The following TMPRSS15 variants were observed in gnomAD, a reference collection of about 807,000 sequenced individuals.
TMPRSS15 encodes transmembrane serine protease 15.
A neutral mutation model predicts 125.3 loss-of-function variants in TMPRSS15; 128 were observed. That is an observed-to-expected ratio of 1.02 (90% confidence interval 0.89 to 1.18). The LOEUF (loss-of-function observed/expected upper bound fraction) is 1.18, where lower values mean the gene tolerates loss of function less well. Among genes scored for constraint, TMPRSS15 ranks in the 50% most tolerant of loss-of-function variants. The pLI is 0.00. For missense variants in TMPRSS15, 1,283 were observed against 1,212.7 expected (o/e 1.06, Z -0.86); for synonymous variants, 446 against 423.2 (o/e 1.05, Z -0.66).
At chr21:18,467,951 AAAAG>A (rs1978700321) in intron 1 of TMPRSS15, among the ~76,000 whole-genome samples, 1 of 152,114 alleles carries the variant, frequency 6.6e-6, no homozygotes, top group Non-Finnish European at 1.5e-5. Flanking sequence ...ACAGAAGAGA[AAAAG>A]AAAGACAAGA....
chr21:18,293,240 A>G (rs2074859930), intron 21 of TMPRSS15, among the ~76,000 whole-genome samples: 1 of 152,096 alleles, frequency 6.6e-6, no homozygotes, highest in Non-Finnish European at 1.5e-5. Flanking sequence ...TTACCCAAGG[A>G]TCTTAAATAT....
intron 1 of TMPRSS15, among the ~76,000 whole-genome samples, chr21:18,446,267 A>G (rs2076255610): frequency 6.6e-6 from 1 of 152,212 alleles, no homozygotes; most frequent in Non-Finnish European, 1.5e-5. Context: ...AAAGCAATAT[A>G]CAAGGAAAAC....
At chr21:18,454,442 C>A in intron 1 of TMPRSS15, among the ~76,000 whole-genome samples, 1 of 152,002 alleles carries the variant, frequency 6.6e-6, no homozygotes, top group Non-Finnish European at 1.5e-5. Flanking sequence ...AAAGGAGATT[C>A]ATTATGAAAT....
In TMPRSS15 at chr21:18,352,969, T is replaced by C; in HGVS notation, c.1105A>G (p.Ile369Val). The C allele has an allele frequency of 6.2e-7, 1 of 1,612,310 alleles. No individual in the cohort carries two copies. Among genetic ancestry groups the C allele is most frequent in the Non-Finnish European group, 8.5e-7 (1 of 1,178,944 alleles). ...DLNDDNEWER[I>V]QGSTFSPFTG... ...AAAGGAGAAAAGGTGCTTCCCTGAA[T>C]CCTTTCCCATTCATTATCATCATTT... is the stretch of plus-strand genomic sequence containing the variant. The change falls in exon 10 of 25, where the codon ATT (isoleucine) becomes GTT (valine). Residue 369 changes from isoleucine to valine, a missense_variant. Coordinates refer to ENST00000284885, the MANE Select transcript of TMPRSS15 (RefSeq NM_002772.3).
chr21:18,434,306 A>G (rs1255889468), intron 1 of TMPRSS15, among the ~76,000 whole-genome samples: 1 of 152,192 alleles, frequency 6.6e-6, no homozygotes, highest in East Asian at 1.9e-4. Flanking sequence ...ACATTTATAT[A>G]TGTACACACA....
intron 5 of TMPRSS15, among the ~76,000 whole-genome samples, chr21:18,374,650 G>A (rs1212321242): frequency 6.6e-6 from 1 of 152,050 alleles, no homozygotes; most frequent in Non-Finnish European, 1.5e-5. Flanking sequence ...TTTTCAATAG[G>A]TGATGGCATT....
At chr21:18,297,853 A>T in intron 18 of TMPRSS15, 24 bp from the exon 19 acceptor site, 1 of 1,529,634 alleles carries the variant, frequency 6.5e-7, no homozygotes, top group South Asian at 1.1e-5. Context: ...AAAAAAGCAT[A>T]CAGACAAAAC....
At chr21:18,392,291 T>C (rs371074607) in intron 3 of TMPRSS15, among the ~76,000 whole-genome samples, 2 of 152,240 alleles carry the variant, frequency 1.3e-5, no homozygotes, top group African/African-American at 4.8e-5. Context: ...CTGTCACCTG[T>C]TGAAAATTTT....
intron 8 of TMPRSS15, among the ~76,000 whole-genome samples, chr21:18,358,030 C>T (rs2075642533): frequency 6.6e-6 from 1 of 151,554 alleles, no homozygotes; most frequent in African/African-American, 2.4e-5. Context: ...ACTACATATT[C>T]ATTGATGTTT....
rs772082116 is a variant in TMPRSS15 at position 18,398,312 on chromosome 21, T to G, written c.163A>C (p.Ser55Arg). 22 of 1,613,788 alleles carry G rather than the reference T, an allele frequency of 1.4e-5. No homozygotes were observed. Among genetic ancestry groups the G allele is most frequent in the Non-Finnish European group, 1.9e-5 (22 of 1,179,766 alleles). ...ESQRGAALGQ[S>R]HEARATFKIT... Reference sequence around the variant, plus strand: ...TTAAATGTCGCTCTGGCTTCATGACTCTGTCCAAGTGCTGCACCTAGATAA... The same window carrying G: ...TTAAATGTCGCTCTGGCTTCATGACGCTGTCCAAGTGCTGCACCTAGATAA... Residue 55 changes from serine to arginine, a missense_variant, in exon 2 of 25, where the codon AGT (serine) becomes CGT (arginine). Coordinates refer to ENST00000284885, the MANE Select transcript of TMPRSS15 (RefSeq NM_002772.3).
chr21:18,333,639 A>C (rs551505177), intron 13 of TMPRSS15, among the ~76,000 whole-genome samples: 62 of 152,248 alleles, frequency 4.1e-4, no homozygotes, highest in Non-Finnish European at 7.4e-4. Context: ...ATGAAACTTC[A>C]TTTGCTTAAT....
At chr21:18,443,482 A>T (rs1384845159) in intron 1 of TMPRSS15, among the ~76,000 whole-genome samples, 1 of 152,194 alleles carries the variant, frequency 6.6e-6, no homozygotes, top group African/African-American at 2.4e-5. Context: ...TCCTCCTGGC[A>T]TCCCCGGTCT....
chr21:18,475,016 T>G (rs1424832661), intron 1 of TMPRSS15, among the ~76,000 whole-genome samples: 3 of 152,134 alleles, frequency 2.0e-5, no homozygotes, highest in Admixed American at 6.6e-5. Context: ...TAATATAGAG[T>G]GCCCCCACTT....
chr21:18,483,599 G>A lies in TMPRSS15; in HGVS notation c.10+2200C>T, dbSNP rs139744530. Among the ~76,000 whole-genome samples the A allele has an allele frequency of 7.4e-4, 113 of 151,902 alleles. No individual in the cohort carries two copies. In the East Asian group the frequency reaches 0.021, roughly 28 times the overall value. ...GCCTCGATTAGAGATTTGGGTATTTGTCTAATATGTCTGTGTGCATTATTC... is the reference window on the plus strand; with the variant it reads ...GCCTCGATTAGAGATTTGGGTATTTATCTAATATGTCTGTGTGCATTATTC... On this transcript the variant is annotated intron_variant, in intron 1 of 7. Transcript: ENST00000422787.
At chr21:18,433,907 G>T (rs1368268159) in intron 1 of TMPRSS15, among the ~76,000 whole-genome samples, 1 of 151,864 alleles carries the variant, frequency 6.6e-6, no homozygotes, top group Non-Finnish European at 1.5e-5. Context: ...TCTGGAATTT[G>T]TCCAGTTTGT....
intron 3 of TMPRSS15, among the ~76,000 whole-genome samples, chr21:18,387,523 A>C (rs2075954215): frequency 6.6e-6 from 1 of 151,950 alleles, no homozygotes; most frequent in Admixed American, 6.6e-5. Flanking sequence ...TGGTGAAAGC[A>C]CTTTCCACAA....
At chr21:18,367,369 A>G (rs2075748426) in intron 6 of TMPRSS15, among the ~76,000 whole-genome samples, 1 of 152,212 alleles carries the variant, frequency 6.6e-6, no homozygotes. Flanking sequence ...TGACTTTTTA[A>G]TGACTTGCTA....
At chr21:18,282,020 C>A (rs1430262017) in intron 21 of TMPRSS15, among the ~76,000 whole-genome samples, 4 of 148,652 alleles carry the variant, frequency 2.7e-5, no homozygotes, top group African/African-American at 1.0e-4. Flanking sequence ...ATGGCGTGAA[C>A]CCGGGGGGCG....
chr21:18,299,109 TGGA>T (rs2074937567), intron 18 of TMPRSS15, among the ~76,000 whole-genome samples: 1 of 152,198 alleles, frequency 6.6e-6, no homozygotes, highest in Admixed American at 6.5e-5. Flanking sequence ...AAGCCTGAAA[TGGA>T]TTTACCAAGG....
Sources: gnomAD v4.1 joint callset for allele counts (sites outside exome capture counted in the v4.1 genomes callset) on GRCh38, gnomAD v4.1.1 for gene constraint, MANE v1.5 for transcripts, NCBI Gene and HGNC (gene_info 2026-07-23, HGNC 2026-07-21) for gene names.